PBX1: variants seen among roughly 807,000 people sequenced by gnomAD.
PBX1 encodes pre-B-cell leukemia transcription factor 1.
In PBX1, 6 loss-of-function variants were observed where a neutral mutation model predicts 53.4. The observed-to-expected ratio is 0.11, with a 90% CI of 0.06 to 0.22. The LOEUF (loss-of-function observed/expected upper bound fraction) is 0.22. PBX1 is among the 10% of genes least tolerant of loss of function. The pLI is 1.00. For synonymous variants in PBX1, 204 were observed against 212.3 expected, an observed-to-expected ratio of 0.96 and a Z score of 0.34; for missense variants, 251 against 551.4, an observed-to-expected ratio of 0.46 and a Z score of 5.46.
At chr1:164,698,887 T>C (rs187590886) in intron 2 of PBX1, among the ~76,000 whole-genome samples, 10 of 152,194 alleles carry the variant, frequency 6.6e-5, no homozygotes, top group African/African-American at 2.2e-4. Context: ...CCATTTTACA[T>C]GTGAGGACAG....
chr1:164,715,286 A>T (rs1304141817), intron 2 of PBX1, among the ~76,000 whole-genome samples: 2 of 152,230 alleles, frequency 1.3e-5, no homozygotes, highest in Non-Finnish European at 2.9e-5. Context: ...AAAAATGATG[A>T]TGATGTCTTT....
At chr1:164,675,956 C>T (rs982542373) in intron 2 of PBX1, among the ~76,000 whole-genome samples, 3 of 152,180 alleles carry the variant, frequency 2.0e-5, no homozygotes, top group African/African-American at 7.2e-5. Flanking sequence ...TCTTTTCTCA[C>T]TAGGACCTCT....
In PBX1 at chr1:164,846,682, C is replaced by A. The variant is rs753224889; in HGVS notation, c.*6C>A. 3.1e-6 allele frequency: 5 copies of A among 1,614,096 alleles called. No homozygotes were observed. In the South Asian group the frequency reaches 5.5e-5, roughly 18 times the overall value. On this transcript the variant is annotated 3_prime_UTR_variant, in exon 9 of 9. Coordinates refer to ENST00000420696, the MANE Select transcript of PBX1 (RefSeq NM_002585.4). ...ACTCTGATACCTCCAACTGATCTCCCAGCAATCGCATCCCGGCTGACCCTG... is the reference window on the plus strand; with the variant it reads ...ACTCTGATACCTCCAACTGATCTCCAAGCAATCGCATCCCGGCTGACCCTG...
intron 2 of PBX1, among the ~76,000 whole-genome samples, chr1:164,621,313 TC>T (rs1420581348): frequency 6.6e-6 from 1 of 152,248 alleles, no homozygotes; most frequent in Non-Finnish European, 1.5e-5. Flanking sequence ...CAGTCTTCCT[TC>T]TCTTTCTGTC....
In PBX1 at chr1:164,849,926, C is replaced by G. The variant is rs1369448550; in HGVS notation, c.*3250C>G. 2 of 228,628 alleles carry G rather than the reference C, an allele frequency of 8.7e-6. No individual in the cohort carries two copies. The highest frequency in any genetic ancestry group is 5.7e-5 in the Admixed American group (1 of 17,652). The allele number at this position is 228,628 out of a possible 1,614,324, so 14.2% of individuals were successfully genotyped here. On this transcript the variant is annotated 3_prime_UTR_variant, in exon 9 of 9. Transcript: ENST00000420696. Reference sequence around the variant, plus strand: ...ACTTTAAAAGAAACAAAAAAATACTCAACGATTCTTTCAGCTTTATTAACA... The same window carrying G: ...ACTTTAAAAGAAACAAAAAAATACTGAACGATTCTTTCAGCTTTATTAACA...
chr1:164,709,182 C>T (rs1014153446), intron 2 of PBX1, among the ~76,000 whole-genome samples: 1 of 152,188 alleles, frequency 6.6e-6, no homozygotes, highest in Non-Finnish European at 1.5e-5. Context: ...ATCTGCTACT[C>T]TCAAGGCTCC....
chr1:164,596,453 A>T (rs1398283294), intron 2 of PBX1, among the ~76,000 whole-genome samples: 1 of 152,180 alleles, frequency 6.6e-6, no homozygotes, highest in Non-Finnish European at 1.5e-5. Flanking sequence ...AGTGGTTCTA[A>T]CCATGGGTGA....
At chr1:164,760,891 T>G (rs930587989) in intron 2 of PBX1, among the ~76,000 whole-genome samples, 1 of 152,230 alleles carries the variant, frequency 6.6e-6, no homozygotes, top group African/African-American at 2.4e-5. Flanking sequence ...ATTAGATTGC[T>G]CCTTAGAGTA....
chr1:164,563,260 A>G lies in PBX1; in HGVS notation c.214A>G (p.Arg72Gly). The G allele has an allele frequency of 6.2e-7, 1 of 1,611,624 alleles. No individual in the cohort carries two copies. The highest frequency in any genetic ancestry group is 8.5e-7 in the Non-Finnish European group (1 of 1,178,404). Reference protein sequence around the residue: ...QARKHALNCHRMKPALFNVLC... With the variant: ...QARKHALNCHGMKPALFNVLC... ...CAGAAAACATGCTTTAAACTGCCAC[A>G]GAATGAAGCCTGCCTTGTTTAATGT... The change falls in exon 2 of 9, where the codon AGA (arginine) becomes GGA (glycine). Residue 72 changes from arginine to glycine, a missense_variant. By Grantham distance (125) the Arg-to-Gly change is moderately radical (BLOSUM62 -2). Transcript: ENST00000420696.
chr1:164,863,241 G>A (rs1306944613), intron 2 of PBX1, among the ~76,000 whole-genome samples: 1 of 152,258 alleles, frequency 6.6e-6, no homozygotes, highest in Non-Finnish European at 1.5e-5. Flanking sequence ...ATGGAGATCT[G>A]TTGTGATAAT....
intron 2 of PBX1, among the ~76,000 whole-genome samples, chr1:164,869,030 T>C (rs1672287140): frequency 1.3e-5 from 2 of 152,324 alleles, no homozygotes; most frequent in South Asian, 4.1e-4. Context: ...ATAGTGTTTT[T>C]TCTGTCTCTG....
intron 2 of PBX1, among the ~76,000 whole-genome samples, chr1:164,625,209 T>C (rs937802178): frequency 4.6e-5 from 7 of 152,194 alleles, no homozygotes; most frequent in African/African-American, 1.2e-4. Flanking sequence ...CACCACCAGG[T>C]AAAGCTTTTA....
chr1:164,856,691 T>C (rs1297281830), downstream of PBX1, among the ~76,000 whole-genome samples: 1 of 152,178 alleles, frequency 6.6e-6, no homozygotes, highest in African/African-American at 2.4e-5. Context: ...TCTGTTTCTC[T>C]ATACATATAA....
chr1:164,785,040 TG>T (rs1322484814), intron 2 of PBX1, among the ~76,000 whole-genome samples: 1 of 152,086 alleles, frequency 6.6e-6, no homozygotes, highest in Non-Finnish European at 1.5e-5. Flanking sequence ...GGAACAAGGG[TG>T]GCTTTCAACA....
At chr1:164,836,108 T>C (rs890030793) in intron 8 of PBX1, among the ~76,000 whole-genome samples, 1 of 152,220 alleles carries the variant, frequency 6.6e-6, no homozygotes, top group African/African-American at 2.4e-5. Context: ...AAAAAAGCTT[T>C]CTTATGACCT....
chr1:164,812,218 A>G (rs1450205313), intron 6 of PBX1, 69 bp downstream of exon 6: 9 of 1,400,294 alleles, frequency 6.4e-6, no homozygotes, highest in South Asian at 2.8e-5. Context: ...CTGTTCCTAC[A>G]TTGGGATTTT....
chr1:164,609,420 C>T (rs1656763941), intron 2 of PBX1, among the ~76,000 whole-genome samples: 1 of 152,112 alleles, frequency 6.6e-6, no homozygotes, highest in African/African-American at 2.4e-5. Context: ...GGATAGATGG[C>T]ATGGCAGGAC....
At chr1:164,660,471 C>T (rs932411321) in intron 2 of PBX1, among the ~76,000 whole-genome samples, 4 of 152,184 alleles carry the variant, frequency 2.6e-5, no homozygotes, top group African/African-American at 9.6e-5. Context: ...TACAGACCTC[C>T]TCTTGGGATA....
intron 2 of PBX1, among the ~76,000 whole-genome samples, chr1:164,876,009 C>G (rs1489934268): frequency 7.6e-5 from 2 of 26,258 alleles, no homozygotes; most frequent in Non-Finnish European, 1.5e-4. Flanking sequence ...TATATATACA[C>G]ACATACACCA....
Sources: gnomAD v4.1 joint callset for allele counts (sites outside exome capture counted in the v4.1 genomes callset) on GRCh38, gnomAD v4.1.1 for gene constraint, MANE v1.5 for transcripts, NCBI Gene and HGNC (gene_info 2026-07-23, HGNC 2026-07-21) for gene names.